Variants in PTPRK observed in about 807,000 individuals in gnomAD.
PTPRK encodes the protein protein tyrosine phosphatase receptor type K.
In PTPRK, 75 loss-of-function variants were observed where a neutral mutation model predicts 178.0. The ratio of observed to expected loss-of-function variants is 0.42; its 90% CI spans 0.35 to 0.51. The LOEUF is 0.51. PTPRK is among the 20% of genes least tolerant of loss of function. The pLI is 0.02. For synonymous variants in PTPRK, 637 were observed against 620.6 expected, an observed-to-expected ratio of 1.03 and a Z score of -0.39; for missense variants, 1,441 against 1,797.8, an observed-to-expected ratio of 0.80 and a Z score of 3.59.
intron 1 of PTPRK, among the ~76,000 whole-genome samples, chr6:128,496,445 C>T (rs997420245): frequency 6.6e-6 from 1 of 152,074 alleles, no homozygotes; most frequent in African/African-American, 2.4e-5. Context: ...CCTATGGTTC[C>T]TCGCAGAATG....
At chr6:128,051,945 T>C (rs914915028) in intron 13 of PTPRK, among the ~76,000 whole-genome samples, 5 of 152,290 alleles carry the variant, frequency 3.3e-5, no homozygotes, top group Admixed American at 3.3e-4. Context: ...CCTAGTGTGG[T>C]TGGCTCAGGA....
intron 1 of PTPRK, among the ~76,000 whole-genome samples, chr6:128,432,065 A>C (rs914592510): frequency 2.0e-5 from 3 of 152,232 alleles, no homozygotes; most frequent in Admixed American, 6.5e-5. Flanking sequence ...ACAGCTCCTT[A>C]GAGTCTTCTA....
chr6:127,980,030 G>T (rs1365367959), intron 25 of PTPRK, among the ~76,000 whole-genome samples: 2 of 152,102 alleles, frequency 1.3e-5, no homozygotes, highest in Non-Finnish European at 2.9e-5. Context: ...TACAAAAAAG[G>T]CCCGGCACGG....
At chr6:128,135,078 T>TCTCACA (rs764373135) in intron 7 of PTPRK, among the ~76,000 whole-genome samples, 3 of 136,276 alleles carry the variant, frequency 2.2e-5, no homozygotes, top group African/African-American at 8.5e-5. Flanking sequence ...AATCATTCAA[T>TCTCACA]CACACACACA....
At chr6:128,474,599 A>T (rs971895243) in intron 1 of PTPRK, among the ~76,000 whole-genome samples, 1 of 152,104 alleles carries the variant, frequency 6.6e-6, no homozygotes, top group African/African-American at 2.4e-5. Flanking sequence ...GTCCATCAAA[A>T]TATAAAAGTT....
intron 3 of PTPRK, among the ~76,000 whole-genome samples, chr6:128,258,514 A>G (rs1302805127): frequency 5.9e-5 from 9 of 152,172 alleles, no homozygotes; most frequent in Non-Finnish European, 1.3e-4. Context: ...TTCGCTATGT[A>G]CTTTTTTCAT....
intron 1 of PTPRK, among the ~76,000 whole-genome samples, chr6:128,477,121 A>G (rs1201728113): frequency 6.6e-6 from 1 of 152,104 alleles, no homozygotes; most frequent in African/African-American, 2.4e-5. Context: ...TAAATTTTAG[A>G]AAAAGTAACA....
At chr6:127,989,577 G>C (rs1486828940) in intron 21 of PTPRK, among the ~76,000 whole-genome samples, 2 of 151,830 alleles carry the variant, frequency 1.3e-5, no homozygotes, top group African/African-American at 2.4e-5. Flanking sequence ...CTTCTCAAAG[G>C]ACATAAACAT....
intron 1 of PTPRK, among the ~76,000 whole-genome samples, chr6:128,444,684 C>T (rs929774478): frequency 5.3e-5 from 8 of 151,856 alleles, no homozygotes; most frequent in African/African-American, 1.9e-4. Flanking sequence ...TAATGACTTC[C>T]GAGGTTGAGC....
chr6:128,341,838 T>C (rs1001537800), intron 2 of PTPRK, among the ~76,000 whole-genome samples: 3 of 152,256 alleles, frequency 2.0e-5, no homozygotes, highest in African/African-American at 7.2e-5. Flanking sequence ...GACTTGATTT[T>C]TAAATTATAT....
intron 1 of PTPRK, among the ~76,000 whole-genome samples, chr6:128,442,227 C>T (rs185757566): frequency 5.9e-5 from 9 of 152,282 alleles, no homozygotes; most frequent in East Asian, 5.8e-4. Context: ...ATTCCCTGCA[C>T]GCTGTCAGGT....
At chr6:128,382,223 C>T (rs1838030449) in intron 2 of PTPRK, among the ~76,000 whole-genome samples, 1 of 148,706 alleles carries the variant, frequency 6.7e-6, no homozygotes, top group Non-Finnish European at 1.5e-5. Context: ...GGTGCTAGTA[C>T]CAAAATGGTT....
At chr6:128,063,257 C>A (rs1781171465) in intron 13 of PTPRK, among the ~76,000 whole-genome samples, 1 of 152,096 alleles carries the variant, frequency 6.6e-6, no homozygotes. Context: ...TTATTCTATG[C>A]CACATGGTAA....
At chr6:128,125,482 C>T (rs1175333375) in intron 7 of PTPRK, among the ~76,000 whole-genome samples, 4 of 152,148 alleles carry the variant, frequency 2.6e-5, no homozygotes, top group Non-Finnish European at 4.4e-5. Flanking sequence ...CACTATACTT[C>T]CAGTACAGCC....
At chr6:128,200,080 T>G (rs1583451053) in intron 6 of PTPRK, among the ~76,000 whole-genome samples, 1 of 152,344 alleles carries the variant, frequency 6.6e-6, no homozygotes, top group African/African-American at 2.4e-5. Context: ...TCAGAATTAC[T>G]TATTTGAATT....
chr6:128,263,074 G>A lies in PTPRK; in HGVS notation c.496-20472C>T, dbSNP rs1447314419. The stretch of plus-strand genomic sequence containing the variant: ...GCTTCCTTGCCTCCACAAAGGAAGG[G>A]AAGCGAGTGCTCACCCCACAGGAAC... On this transcript the variant is annotated intron_variant, in intron 3 of 29. Coordinates refer to ENST00000368226, the MANE Select transcript of PTPRK (RefSeq NM_002844.4). 2.0e-5 allele frequency among the ~76,000 whole-genome samples: 3 copies of A among 152,122 alleles called. 1 individual carries two copies. Among genetic ancestry groups the A allele is most frequent in the Admixed American group, 2.0e-4 (3 of 15,262 alleles).
At chr6:128,053,250 C>T (rs1022999388) in intron 13 of PTPRK, among the ~76,000 whole-genome samples, 3 of 151,958 alleles carry the variant, frequency 2.0e-5, no homozygotes, top group African/African-American at 7.3e-5. Context: ...CTGCCACACA[C>T]GTAATCTCTG....
At chr6:128,403,590 G>A (rs146772203) in intron 1 of PTPRK, among the ~76,000 whole-genome samples, 23 of 151,224 alleles carry the variant, frequency 1.5e-4, no homozygotes, top group Non-Finnish European at 1.9e-4. Context: ...TTTTTTTTTG[G>A]TTAAAAAAGC....
At chr6:128,221,813 G>C (rs1444997076) in intron 5 of PTPRK, among the ~76,000 whole-genome samples, 1 of 150,174 alleles carries the variant, frequency 6.7e-6, no homozygotes, top group Non-Finnish European at 1.5e-5. Flanking sequence ...AACTGAAAAA[G>C]CAGCTTATAT....
Sources: gnomAD v4.1 joint callset for allele counts (sites outside exome capture counted in the v4.1 genomes callset) on GRCh38, gnomAD v4.1.1 for gene constraint, MANE v1.5 for transcripts, NCBI Gene and HGNC (gene_info 2026-07-23, HGNC 2026-07-21) for gene names.